PCDH15: variants seen among roughly 807,000 people sequenced by gnomAD.
PCDH15 encodes the protein protocadherin related 15.
In PCDH15, 129 loss-of-function variants were observed where a neutral mutation model predicts 178.5. That is an observed-to-expected ratio of 0.72 (90% CI 0.63 to 0.84). The LOEUF is 0.84. Among genes scored for constraint, PCDH15 ranks in the 40% least tolerant of loss-of-function variants. The pLI, the probability that PCDH15 is intolerant of heterozygous loss-of-function variation, is 0.00. For missense variants in PCDH15, 2,230 were observed against 2,099.9 expected (o/e 1.06, Z -1.21); for synonymous variants, 800 against 732.0 (o/e 1.09, Z -1.50).
At chr10:55,013,818 T>A (rs905670907) in intron 2 of PCDH15, among the ~76,000 whole-genome samples, 1 of 152,118 alleles carries the variant, frequency 6.6e-6, no homozygotes, top group African/African-American at 2.4e-5. Context: ...TTAAACATTT[T>A]AAAATCAGTG....
chr10:55,130,780 T>G (rs1052719258), intron 2 of PCDH15, among the ~76,000 whole-genome samples: 14 of 151,634 alleles, frequency 9.2e-5, no homozygotes, highest in African/African-American at 3.4e-4. Context: ...AAAATTAGCC[T>G]TTTCATAGAT....
At chr10:54,843,299 G>A (rs1053347414) in intron 3 of PCDH15, among the ~76,000 whole-genome samples, 3 of 152,026 alleles carry the variant, frequency 2.0e-5, no homozygotes, top group East Asian at 1.9e-4. Context: ...GCCAAACAAA[G>A]GTACCTCCTA....
At chr10:54,232,016 A>G (rs1193137042) in intron 9 of PCDH15, among the ~76,000 whole-genome samples, 1 of 152,226 alleles carries the variant, frequency 6.6e-6, no homozygotes, top group African/African-American at 2.4e-5. Context: ...CTGTTGAGAA[A>G]GGATGATTGT....
intron 28 of PCDH15, among the ~76,000 whole-genome samples, chr10:53,853,297 C>A (rs1346380659): frequency 3.3e-5 from 5 of 151,228 alleles, no homozygotes; most frequent in African/African-American, 1.2e-4. Flanking sequence ...AAATATAAGA[C>A]CTCCAAACCA....
At position 54,533,347 on chromosome 10, in the gene PCDH15, A is replaced by G. The variant is rs141813305; in HGVS notation, c.92-5470T>C. Among the ~76,000 whole-genome samples the G allele has an allele frequency of 8.3e-3, 1,262 of 152,304 alleles. 17 individuals are homozygous for G. Among genetic ancestry groups the G allele is most frequent in the African/African-American group, 0.029 (1,190 of 41,568 alleles). On this transcript the variant is annotated intron_variant, in intron 2 of 37. Transcript: ENST00000644397. ...TAATTTGTTGTCTAAAGATAAGGTC[A>G]TTGGTGACAACTCAGCAGATGTGAA... is the stretch of plus-strand genomic sequence containing the variant.
At chr10:54,416,485 T>C (rs545762161) in intron 3 of PCDH15, among the ~76,000 whole-genome samples, 29 of 152,224 alleles carry the variant, frequency 1.9e-4, no homozygotes, top group Admixed American at 1.7e-3. Context: ...GTAGTATTCC[T>C]TGGTGTATAT....
intron 3 of PCDH15, among the ~76,000 whole-genome samples, chr10:54,873,920 A>G (rs1954086722): frequency 6.6e-6 from 1 of 150,616 alleles, no homozygotes; most frequent in Non-Finnish European, 1.5e-5. Flanking sequence ...TAATGAATAA[A>G]TTAAAATACC....
At chr10:54,410,922 T>C (rs957870728) in intron 3 of PCDH15, among the ~76,000 whole-genome samples, 1 of 152,086 alleles carries the variant, frequency 6.6e-6, no homozygotes, top group Non-Finnish European at 1.5e-5. Context: ...TGCTGCTCAA[T>C]AGCTGACTCT....
chr10:54,053,812 A>T (rs1465693917), intron 18 of PCDH15, among the ~76,000 whole-genome samples: 4 of 152,184 alleles, frequency 2.6e-5, no homozygotes, highest in African/African-American at 9.6e-5. Flanking sequence ...TAATTCCAGA[A>T]TTTACATCAC....
chr10:53,893,462 TAAG>T (rs969175860), intron 26 of PCDH15, among the ~76,000 whole-genome samples: 1 of 152,212 alleles, frequency 6.6e-6, no homozygotes, highest in African/African-American at 2.4e-5. Context: ...AATAAAATTT[TAAG>T]AAGTCATTAT....
chr10:54,901,306 AT>A (rs1386747040), intron 2 of PCDH15, among the ~76,000 whole-genome samples: 1 of 152,140 alleles, frequency 6.6e-6, no homozygotes, highest in Non-Finnish European at 1.5e-5. Context: ...ATAAAATAAA[AT>A]AGGACAAAGC....
At chr10:55,024,104 CAT>C (rs1307509492) in intron 2 of PCDH15, among the ~76,000 whole-genome samples, 10 of 137,504 alleles carry the variant, frequency 7.3e-5, no homozygotes, top group South Asian at 2.2e-4. Context: ...AAGGAATATA[CAT>C]ATATATATAG....
At chr10:55,433,086 T>A (rs1838930620) in intron 2 of PCDH15, among the ~76,000 whole-genome samples, 1 of 152,140 alleles carries the variant, frequency 6.6e-6, no homozygotes, top group African/African-American at 2.4e-5. Flanking sequence ...GACCCAGCAA[T>A]TTCATTATTC....
chr10:54,786,031 C>A (rs1458615714), intron 1 of PCDH15, among the ~76,000 whole-genome samples: 12 of 151,934 alleles, frequency 7.9e-5, no homozygotes, highest in African/African-American at 2.9e-4. Context: ...AGTGTCCACA[C>A]TTATGATATA....
At chr10:53,908,731 C>T (rs1052726633) in intron 25 of PCDH15, among the ~76,000 whole-genome samples, 8 of 152,156 alleles carry the variant, frequency 5.3e-5, no homozygotes, top group Admixed American at 3.9e-4. Flanking sequence ...AAGGACTGTG[C>T]TTTTCTTATT....
Position 54,334,311 on chromosome 10 carries a change from C to CA in PCDH15, c.595-4606dup, listed in dbSNP as rs1940546976. Among the ~76,000 whole-genome samples, 4 of 152,246 alleles carry CA rather than the reference C, an allele frequency of 2.6e-5. No homozygotes were observed. The South Asian group carries it at 8.3e-4, about 32-fold the overall frequency. ...GAAGCAGGGTAGGAGACAGCTGTAA[C>CA]ATCCACGCCACACACATTCACATTC... On this transcript the variant is annotated intron_variant, in intron 6 of 37. Coordinates refer to ENST00000644397, the MANE Select transcript of PCDH15 (RefSeq NM_001384140.1).
chr10:55,399,781 G>A (rs577812048), intron 2 of PCDH15, among the ~76,000 whole-genome samples: 1 of 152,124 alleles, frequency 6.6e-6, no homozygotes, highest in African/African-American at 2.4e-5. Flanking sequence ...AAGGCTTAAA[G>A]TAAAATCCTT....
intron 2 of PCDH15, among the ~76,000 whole-genome samples, chr10:54,940,079 T>G (rs768002757): frequency 6.6e-6 from 1 of 152,184 alleles, no homozygotes; most frequent in Non-Finnish European, 1.5e-5. Flanking sequence ...TGGCTTTAAG[T>G]TTAGTTTTTT....
At chr10:55,463,883 AAG>A (rs1217398428) in intron 2 of PCDH15, among the ~76,000 whole-genome samples, 1 of 53,516 alleles carries the variant, frequency 1.9e-5, no homozygotes, top group Non-Finnish European at 3.0e-5. Context: ...GAGAGAGAGA[AAG>A]AGAGGGAGAG....
Sources: gnomAD v4.1 joint callset for allele counts (sites outside exome capture counted in the v4.1 genomes callset) on GRCh38, gnomAD v4.1.1 for gene constraint, MANE v1.5 for transcripts, NCBI Gene and HGNC (gene_info 2026-07-23, HGNC 2026-07-21) for gene names.